The following CNTNAP2 variants were observed in gnomAD, a reference collection of about 807,000 sequenced individuals.
CNTNAP2 encodes contactin-associated protein-like 2.
In CNTNAP2, 98 loss-of-function variants were observed where a neutral mutation model predicts 155.2. The ratio of observed to expected loss-of-function variants is 0.63; its 90% CI spans 0.54 to 0.75. The LOEUF is 0.75. Ranked by LOEUF, CNTNAP2 falls within the 30% of genes least tolerant of loss-of-function variation. The pLI is 0.00. For synonymous variants in CNTNAP2, 651 were observed against 631.2 expected, an observed-to-expected ratio of 1.03 and a Z score of -0.47; for missense variants, 1,727 against 1,688.1, an observed-to-expected ratio of 1.02 and a Z score of -0.40.
At chr7:147,313,948 G>A (rs971704462) in intron 9 of CNTNAP2, among the ~76,000 whole-genome samples, 37 of 151,432 alleles carry the variant, frequency 2.4e-4, no homozygotes, top group Non-Finnish European at 4.4e-4. Flanking sequence ...TTGAGCAGGG[G>A]TTTGTAGTTC....
intron 20 of CNTNAP2, among the ~76,000 whole-genome samples, chr7:148,255,898 T>C (rs73170577): frequency 0.033 from 4,998 of 152,312 alleles, 126 homozygotes; most frequent in Middle Eastern, 0.092. Flanking sequence ...TCAAGGCTGA[T>C]GCTACCACTT....
intron 18 of CNTNAP2, among the ~76,000 whole-genome samples, chr7:148,194,570 C>A (rs530202712): frequency 2.0e-5 from 3 of 152,164 alleles, no homozygotes; most frequent in African/African-American, 7.2e-5. Context: ...CCAAGACAGT[C>A]TATGATATGC....
intron 12 of CNTNAP2, among the ~76,000 whole-genome samples, chr7:147,578,572 T>C (rs1036552191): frequency 2.0e-5 from 3 of 152,170 alleles, no homozygotes; most frequent in African/African-American, 7.2e-5. Flanking sequence ...AGTATTATTA[T>C]ATCATGATGT....
At chr7:147,133,603 G>A (rs1244595814) in intron 8 of CNTNAP2, among the ~76,000 whole-genome samples, 2 of 151,954 alleles carry the variant, frequency 1.3e-5, no homozygotes, top group Non-Finnish European at 2.9e-5. Flanking sequence ...ATATAGAATA[G>A]TACCTGTAAG....
chr7:148,072,623 A>C (rs1032426300), intron 15 of CNTNAP2, among the ~76,000 whole-genome samples: 1 of 152,202 alleles, frequency 6.6e-6, no homozygotes, highest in African/African-American at 2.4e-5. Flanking sequence ...CCCATTATCT[A>C]AACGGTTAAC....
At chr7:146,690,635 G>A (rs1177664780) in intron 1 of CNTNAP2, among the ~76,000 whole-genome samples, 2 of 152,144 alleles carry the variant, frequency 1.3e-5, no homozygotes, top group Non-Finnish European at 2.9e-5. Context: ...GTAGAAGGTA[G>A]TAGCATTTGC....
intron 1 of CNTNAP2, among the ~76,000 whole-genome samples, chr7:146,422,796 A>T (rs976169236): frequency 6.6e-6 from 1 of 152,156 alleles, no homozygotes; most frequent in African/African-American, 2.4e-5. Context: ...ACAAATGCTT[A>T]ATTTTTAAAG....
intron 1 of CNTNAP2, among the ~76,000 whole-genome samples, chr7:146,423,442 A>T (rs937068660): frequency 2.0e-5 from 3 of 152,206 alleles, no homozygotes; most frequent in African/African-American, 7.2e-5. Flanking sequence ...CCATGGAAGA[A>T]AATGTCAGAA....
At chr7:147,677,925 T>C (rs910761178) in intron 13 of CNTNAP2, among the ~76,000 whole-genome samples, 26 of 151,866 alleles carry the variant, frequency 1.7e-4, no homozygotes, top group Admixed American at 1.4e-3. Context: ...TATAGCTATG[T>C]AGTATATTTT....
chr7:148,205,727 T>A (rs947309066), intron 18 of CNTNAP2, among the ~76,000 whole-genome samples: 9 of 152,230 alleles, frequency 5.9e-5, no homozygotes, highest in African/African-American at 2.2e-4. Flanking sequence ...GAAAGGCCAA[T>A]GTGATCCAAC....
chr7:148,024,173 A>AAAAAAAAAACC lies in CNTNAP2; in HGVS notation c.2383+46190_2383+46191insAAACCAAAAAA, dbSNP rs796940228. Among the ~76,000 whole-genome samples the AAAAAAAAAACC allele has an allele frequency of 2.0e-5, 3 of 147,984 alleles. No homozygotes were observed. In the Admixed American group the frequency reaches 2.1e-4, roughly 10 times the overall value. On this transcript the variant is annotated intron_variant, in intron 15 of 23. Coordinates refer to ENST00000361727, the MANE Select transcript of CNTNAP2 (RefSeq NM_014141.6). ...TTTAAAGTGTAAAAAAAAAAAAAAAAAAAAAACTTTATAACATCCTGAGAA... is the reference window on the plus strand; with the variant it reads ...TTTAAAGTGTAAAAAAAAAAAAAAAAAAAAAAAAACCAAAAAACTTTATAACATCCTGAGAA...
chr7:146,660,544 A>G (rs908335678), intron 1 of CNTNAP2, among the ~76,000 whole-genome samples: 1 of 152,240 alleles, frequency 6.6e-6, no homozygotes, highest in African/African-American at 2.4e-5. Flanking sequence ...AGCTATCTCA[A>G]TAAATAGCAG....
intron 12 of CNTNAP2, among the ~76,000 whole-genome samples, chr7:147,585,852 C>G (rs1032703116): frequency 6.6e-6 from 1 of 151,788 alleles, no homozygotes; most frequent in Non-Finnish European, 1.5e-5. Context: ...ACTTTATAGG[C>G]TATATGTCAG....
chr7:146,807,491 A>G (rs1393392429), intron 2 of CNTNAP2, among the ~76,000 whole-genome samples: 1 of 152,152 alleles, frequency 6.6e-6, no homozygotes, highest in African/African-American at 2.4e-5. Context: ...GAAACTGAGA[A>G]AAAGAGAGGA....
At chr7:147,346,638 T>C (rs755196491) in intron 9 of CNTNAP2, among the ~76,000 whole-genome samples, 19 of 152,200 alleles carry the variant, frequency 1.2e-4, no homozygotes, top group South Asian at 4.1e-4. Flanking sequence ...GATGTTCAGA[T>C]ACAATTTTTT....
intron 8 of CNTNAP2, among the ~76,000 whole-genome samples, chr7:147,292,838 T>C (rs1283753670): frequency 6.6e-6 from 1 of 152,200 alleles, no homozygotes; most frequent in East Asian, 1.9e-4. Context: ...ACCACAATCT[T>C]GGTTCACTGC....
chr7:146,690,541 A>T (rs62481394), intron 1 of CNTNAP2, among the ~76,000 whole-genome samples: 3,882 of 152,212 alleles, frequency 0.026, 72 homozygotes, highest in Middle Eastern at 0.044. Flanking sequence ...ATTTAAATAA[A>T]TGTTTTGTAT....
At chr7:147,632,751 G>A (rs1167431972) in intron 12 of CNTNAP2, among the ~76,000 whole-genome samples, 2 of 152,162 alleles carry the variant, frequency 1.3e-5, no homozygotes, top group African/African-American at 2.4e-5. Flanking sequence ...CAGTTTGGAG[G>A]GCTCAGAATA....
chr7:146,325,597 T>TAC lies in CNTNAP2; in HGVS notation c.97+208636_97+208637dup, dbSNP rs200025355. Among the ~76,000 whole-genome samples the TAC allele has an allele frequency of 2.2e-3, 332 of 151,496 alleles. 1 individual carries two copies. The highest frequency in any genetic ancestry group is 7.2e-3 in the African/African-American group (296 of 41,328). On this transcript the variant is annotated intron_variant, in intron 1 of 23. Transcript: ENST00000361727. The stretch of plus-strand genomic sequence containing the variant: ...ACAGACAGATGGACACGCCCCCCTA[T>TAC]ACACACACACACATGCACACACACA...
Sources: allele counts gnomAD v4.1 joint callset (sites outside exome capture counted in the v4.1 genomes callset), GRCh38; gene constraint gnomAD v4.1.1; transcripts MANE v1.5; gene names NCBI Gene and HGNC (gene_info 2026-07-23, HGNC 2026-07-21).